The following ABHD12 variants were observed in gnomAD, a reference collection of about 807,000 sequenced individuals.
ABHD12 encodes abhydrolase domain containing 12, lysophospholipase, also known as lysophosphatidylserine lipase ABHD12.
Under a neutral mutation model 58.3 loss-of-function variants are expected in ABHD12, and 43 were observed. That is an observed-to-expected ratio of 0.74 (90% CI 0.58 to 0.95). The LOEUF is 0.95. ABHD12 is among the 40% of genes least tolerant of loss of function. The pLI is 0.00. For synonymous variants in ABHD12, 219 were observed against 211.2 expected, an observed-to-expected ratio of 1.04 and a Z score of -0.32; for missense variants, 539 against 537.2, an observed-to-expected ratio of 1.00 and a Z score of -0.03.
chr20:25,330,747 G>A (rs1335130592), intron 2 of ABHD12, among the ~76,000 whole-genome samples: 1 of 152,144 alleles, frequency 6.6e-6, no homozygotes, highest in Non-Finnish European at 1.5e-5. Context: ...ACCTGCAGCT[G>A]AGGGTCCTGT....
downstream of ABHD12, among the ~76,000 whole-genome samples, chr20:25,299,786 T>C (rs746809874): frequency 5.9e-5 from 9 of 151,984 alleles, no homozygotes; most frequent in Non-Finnish European, 1.2e-4. Context: ...GGAACAGAAA[T>C]GACACCCTAA....
At position 25,300,435 on chromosome 20, in the gene ABHD12, G is replaced by C; in HGVS notation, c.*410C>G. The C allele has an allele frequency of 8.5e-7, 1 of 1,174,030 alleles. No homozygotes were observed. The highest frequency in any genetic ancestry group is 1.1e-6 in the Non-Finnish European group (1 of 937,088). The allele number at this position is 1,174,030 out of a possible 1,614,324, so 72.7% of individuals were successfully genotyped here. A position where few individuals can be genotyped will look rare whatever the true frequency, so the allele number is the denominator to read the frequency against. On this transcript the variant is annotated 3_prime_UTR_variant, in exon 13 of 13. Transcript: ENST00000339157. The stretch of plus-strand genomic sequence containing the variant: ...ATTCTGCATGTGCTGGGAAGGTGCA[G>C]AAAGAACCTGGACCCCACGTTCTCT...
At chr20:25,329,395 G>C (rs1464775649) in intron 2 of ABHD12, among the ~76,000 whole-genome samples, 1 of 152,210 alleles carries the variant, frequency 6.6e-6, no homozygotes, top group Admixed American at 6.5e-5. Flanking sequence ...CTGGGACTGA[G>C]GCCTCTGGCT....
chr20:25,318,461 A>T (rs1179101887), intron 4 of ABHD12, among the ~76,000 whole-genome samples: 1 of 152,222 alleles, frequency 6.6e-6, no homozygotes, highest in Non-Finnish European at 1.5e-5. Flanking sequence ...GTTGCTGGGA[A>T]TCCAGGGGGT....
chr20:25,366,178 C>T (rs1204663322), intron 1 of ABHD12, among the ~76,000 whole-genome samples: 12 of 152,092 alleles, frequency 7.9e-5, no homozygotes, highest in Non-Finnish European at 7.4e-5. Flanking sequence ...TATTATTACA[C>T]CTCTTTACCT....
intron 2 of ABHD12, among the ~76,000 whole-genome samples, chr20:25,327,737 G>A (rs551277790): frequency 6.6e-6 from 1 of 152,276 alleles, no homozygotes; most frequent in East Asian, 1.9e-4. Flanking sequence ...ATTGGAAATT[G>A]TTGTGGTTTA....
At chr20:25,377,158 C>G (rs1428757012) in intron 1 of ABHD12, among the ~76,000 whole-genome samples, 1 of 152,190 alleles carries the variant, frequency 6.6e-6, no homozygotes, top group Admixed American at 6.5e-5. Flanking sequence ...CTCCTGGAAC[C>G]CTAAGCCAGA....
rs201346163 is a variant in ABHD12 at position 25,350,087 on chromosome 20, T to A, written c.192-10736A>T. Among the ~76,000 whole-genome samples the A allele has an allele frequency of 2.0e-5, 3 of 152,132 alleles. No individual in the cohort carries two copies. In the East Asian group the frequency reaches 5.8e-4, roughly 29 times the overall value. On this transcript the variant is annotated intron_variant, in intron 1 of 12. Transcript: ENST00000339157. ...GTAGTCCCAATAATAAAACCCCTAGTGAAATAGGAATACAGGACATTCCCT... is the reference window on the plus strand; with the variant it reads ...GTAGTCCCAATAATAAAACCCCTAGAGAAATAGGAATACAGGACATTCCCT...
exon 13 of ABHD12, chr20:25,294,794 T>A: frequency 7.0e-6 from 5 of 710,896 alleles, no homozygotes; most frequent in Non-Finnish European, 1.3e-5. Context: ...GCACATGGTA[T>A]GGTTTATCTA....
chr20:25,307,910 T>C, intron 9 of ABHD12, 56 bp downstream of exon 9: 1 of 882,252 alleles, frequency 1.1e-6, no homozygotes, highest in Non-Finnish European at 1.8e-6. Context: ...TAATTAGTTA[T>C]TTCTATAATT....
At chr20:25,316,303 C>T (rs970564811) in intron 5 of ABHD12, among the ~76,000 whole-genome samples, 4 of 152,258 alleles carry the variant, frequency 2.6e-5, no homozygotes, top group African/African-American at 7.2e-5. Flanking sequence ...GGATTACAGG[C>T]GCCCGCCACC....
chr20:25,358,610 C>T (rs2089699349), intron 1 of ABHD12, among the ~76,000 whole-genome samples: 1 of 152,162 alleles, frequency 6.6e-6, no homozygotes, highest in African/African-American at 2.4e-5. Context: ...CAGCAAGTAC[C>T]CAGAAGAGGC....
chr20:25,362,428 G>A (rs1235063040), intron 1 of ABHD12, among the ~76,000 whole-genome samples: 4 of 151,988 alleles, frequency 2.6e-5, no homozygotes, highest in South Asian at 2.1e-4. Context: ...TCAGCCGGGC[G>A]TGGTGGCGGG....
rs1239184028 is a variant in ABHD12, at chr20:25,308,453, T to G, written c.787+4A>C. On this transcript the variant is annotated splice_donor_region_variant and intron_variant, in intron 8 of 12. Coordinates refer to ENST00000339157, the MANE Select transcript of ABHD12 (RefSeq NM_001042472.3). The stretch of plus-strand genomic sequence containing the variant: ...CCACGGCTGGGGCCCAACAAGGCAC[T>G]CACCTCGCTCACAGAGGCGCCGCAC... 5 of 1,611,236 alleles carry G rather than the reference T, an allele frequency of 3.1e-6. No homozygotes were observed. The highest frequency in any genetic ancestry group is 1.7e-5 in the Admixed American group (1 of 59,762).
At chr20:25,356,484 T>C (rs1348343600) in intron 1 of ABHD12, among the ~76,000 whole-genome samples, 1 of 152,226 alleles carries the variant, frequency 6.6e-6, no homozygotes, top group Non-Finnish European at 1.5e-5. Flanking sequence ...GTGTGGGCCT[T>C]CAGGGCCTTG....
chr20:25,332,810 T>G, intron 2 of ABHD12, among the ~76,000 whole-genome samples: 1 of 82,272 alleles, frequency 1.2e-5, no homozygotes, highest in South Asian at 4.5e-4. Flanking sequence ...CAAAGCAGTG[T>G]GTAGAGGGAA....
chr20:25,303,801 A>G (rs1369789716), intron 10 of ABHD12, among the ~76,000 whole-genome samples, 173 bp from the exon 11 acceptor site: 1 of 152,234 alleles, frequency 6.6e-6, no homozygotes, highest in Non-Finnish European at 1.5e-5. Context: ...CTCTATGAAC[A>G]TCTATTACAG....
chr20:25,334,230 A>G (rs1036510086), intron 2 of ABHD12, among the ~76,000 whole-genome samples: 3 of 151,418 alleles, frequency 2.0e-5, no homozygotes, highest in Non-Finnish European at 4.4e-5. Context: ...TAAAATACTT[A>G]GGAATCCAAC....
intron 1 of ABHD12, among the ~76,000 whole-genome samples, chr20:25,360,005 T>C (rs752993237): frequency 2.6e-4 from 40 of 152,122 alleles, no homozygotes; most frequent in Non-Finnish European, 2.4e-4. Flanking sequence ...TTTTTATGTA[T>C]TTCTACTCTA....
Sources: allele counts gnomAD v4.1 joint callset (sites outside exome capture counted in the v4.1 genomes callset), GRCh38; gene constraint gnomAD v4.1.1; transcripts MANE v1.5; gene names NCBI Gene and HGNC (gene_info 2026-07-23, HGNC 2026-07-21).